ABTB2: variants seen among roughly 807,000 people sequenced by gnomAD.
ABTB2 encodes ankyrin repeat and BTB/POZ domain-containing protein 2.
A neutral mutation model predicts 104.1 loss-of-function variants in ABTB2; 56 were observed. That is an observed-to-expected ratio of 0.54 (90% confidence interval 0.43 to 0.67). The LOEUF (loss-of-function observed/expected upper bound fraction) is 0.67. ABTB2 is among the 30% of genes least tolerant of loss of function. ABTB2 has a pLI of 0.00. For missense variants in ABTB2, 1,279 were observed against 1,407.7 expected, an observed-to-expected ratio of 0.91 and a Z score of 1.46; for synonymous variants, 606 against 608.2, an observed-to-expected ratio of 1.00 and a Z score of 0.05.
chr11:34,167,190 G>A, intron 7 of ABTB2, 69 bp downstream of exon 7: 1 of 1,411,440 alleles, frequency 7.1e-7, no homozygotes, highest in South Asian at 1.2e-5. Context: ...AGCTGAGGCT[G>A]GGGCTGTGCT....
At chr11:34,241,364 T>G (rs1263779815) in intron 1 of ABTB2, among the ~76,000 whole-genome samples, 1 of 151,990 alleles carries the variant, frequency 6.6e-6, no homozygotes, top group Non-Finnish European at 1.5e-5. Flanking sequence ...GGAGGTGACA[T>G]TTAACCAGGG....
At chr11:34,211,902 CAAAAAAAA>C (rs1231324201) in intron 1 of ABTB2, among the ~76,000 whole-genome samples, 1 of 58,036 alleles carries the variant, frequency 1.7e-5, no homozygotes, top group African/African-American at 6.2e-5. Context: ...GACCCTGTCT[CAAAAAAAA>C]AAAAAAAAAA....
At chr11:34,229,685 C>T (rs1463683881) in intron 1 of ABTB2, among the ~76,000 whole-genome samples, 1 of 151,992 alleles carries the variant, frequency 6.6e-6, no homozygotes, top group Non-Finnish European at 1.5e-5. Flanking sequence ...ATTACTTTAG[C>T]ACTATAAGAA....
At chr11:34,200,170 A>G (rs1446095666) in intron 2 of ABTB2, among the ~76,000 whole-genome samples, 2 of 152,248 alleles carry the variant, frequency 1.3e-5, no homozygotes, top group East Asian at 1.9e-4. Context: ...TGGCAGAACC[A>G]CAGGACCACA....
At chr11:34,198,090 A>G (rs954672288) in intron 2 of ABTB2, among the ~76,000 whole-genome samples, 1 of 152,188 alleles carries the variant, frequency 6.6e-6, no homozygotes, top group Non-Finnish European at 1.5e-5. Flanking sequence ...TTTGATCCTT[A>G]CAGTGCTAGG....
At chr11:34,179,418 C>G (rs1157033678) in intron 3 of ABTB2, among the ~76,000 whole-genome samples, 1 of 152,212 alleles carries the variant, frequency 6.6e-6, no homozygotes, top group Admixed American at 6.5e-5. Flanking sequence ...AAGACCACAG[C>G]TGATGGCTAG....
chr11:34,344,689 G>C (rs1160051700), intron 1 of ABTB2, among the ~76,000 whole-genome samples: 1 of 152,126 alleles, frequency 6.6e-6, no homozygotes, highest in Non-Finnish European at 1.5e-5. Flanking sequence ...GTAGAAACGG[G>C]GTTTCACCGT....
At chr11:34,235,252 T>G (rs1463451912) in intron 1 of ABTB2, among the ~76,000 whole-genome samples, 2 of 152,190 alleles carry the variant, frequency 1.3e-5, no homozygotes, top group East Asian at 3.8e-4. Flanking sequence ...AGGGATTGCC[T>G]GAAAAATGTC....
At position 34,203,621 on chromosome 11, in the gene ABTB2, C is replaced by G. The variant is rs1320017230; in HGVS notation, c.1030+923G>C. 3.9e-5 allele frequency among the ~76,000 whole-genome samples: 6 copies of G among 152,216 alleles called. No individual in the cohort carries two copies. In the East Asian group the frequency reaches 9.6e-4, roughly 24 times the overall value. The stretch of plus-strand genomic sequence containing the variant: ...GAGTCAGAAATCCTGCTTTCTCTCC[C>G]AGCCCTATTGCAGCTCTGCTCTGTG... On this transcript the variant is annotated intron_variant, in intron 2 of 16. Transcript: ENST00000435224.
Position 34,161,034 on chromosome 11 carries a change from A to G in ABTB2, c.2266T>C (p.Phe756Leu), listed in dbSNP as rs1268760239. 1 of 1,613,130 alleles carries G rather than the reference A, an allele frequency of 6.2e-7. No homozygotes were observed. Among genetic ancestry groups the G allele is most frequent in the East Asian group, 2.2e-5 (1 of 44,832 alleles). ...ACCACCGAGTACCGCGACTGCGAGA[A>G]CGAGGTCCTCAGAGACTCGATCCAG... ...HIWIESLRTS[F>L]SQSRYSVVQS... The change falls in exon 11 of 17, where the codon TTC (phenylalanine) becomes CTC (leucine). Residue 756 changes from phenylalanine to leucine, a missense_variant. Coordinates refer to ENST00000435224, the MANE Select transcript of ABTB2 (RefSeq NM_145804.3).
chr11:34,151,454 C>T lies in ABTB2; in HGVS notation c.*933G>A, dbSNP rs544312532. The stretch of plus-strand genomic sequence containing the variant: ...CAAGAGTCACAGTCCCCAGTGGGAC[C>T]TGTTTGCCCAGCTCTCAATCCTACA... On this transcript the variant is annotated 3_prime_UTR_variant, in exon 17 of 17. Coordinates refer to ENST00000435224, the MANE Select transcript of ABTB2 (RefSeq NM_145804.3). 1 of 152,390 alleles carries T rather than the reference C, an allele frequency of 6.6e-6. No individual in the cohort carries two copies. Among genetic ancestry groups the T allele is most frequent in the East Asian group, 1.9e-4 (1 of 5,184 alleles). The allele number at this position is 152,390 out of a possible 1,614,324, so 9.4% of individuals were successfully genotyped here.
rs774459656 is a variant in ABTB2 at position 34,160,914 on chromosome 11, TGAG to T, written c.2383_2385del (p.Leu795del). On this transcript the variant is annotated inframe_deletion, in exon 11 of 17. Transcript: ENST00000435224. Reference sequence around the variant, plus strand: ...CTGGCCACACTTACTTTGCTGGTCTTGAGGATGTCGAACATGAGCTGCAAGCCC... The same window carrying T: ...CTGGCCACACTTACTTTGCTGGTCTTGATGTCGAACATGAGCTGCAAGCCC... 4 of 1,608,572 alleles carry T rather than the reference TGAG, an allele frequency of 2.5e-6. No individual in the cohort carries two copies. The highest frequency in any genetic ancestry group is 8.5e-7 in the Non-Finnish European group (1 of 1,177,020).
rs1852862847 is a variant in ABTB2 at position 34,170,839 on chromosome 11, A to G, written c.1563+67T>C. 6 of 1,570,894 alleles carry G rather than the reference A, an allele frequency of 3.8e-6. 1 individual carries two copies. The highest frequency in any genetic ancestry group is 1.8e-4 in the Middle Eastern group (1 of 5,682). On this transcript the variant is annotated intron_variant, in intron 5 of 16. Transcript: ENST00000435224. ...TCAGGGTTAGGACAGAGGGCCGCCA[A>G]TGCTGGGAGCTGAGAATTCCCAACT...
chr11:34,349,138 G>A (rs1855369721), intron 1 of ABTB2, among the ~76,000 whole-genome samples: 1 of 152,216 alleles, frequency 6.6e-6, no homozygotes, highest in African/African-American at 2.4e-5. Flanking sequence ...CACAAAGTGT[G>A]TTTACATGAC....
chr11:34,356,648 AG>A lies in ABTB2; in HGVS notation c.883+52del. ...AGGAAATTCACTCCCCCAGTAGCCC[AG>A]GGCGGGATTTCTTGCCTACCCAGTC... is the stretch of plus-strand genomic sequence containing the variant. On this transcript the variant is annotated intron_variant, in intron 1 of 16. Transcript: ENST00000435224. The surrounding 1 kb of genome is among the most constrained non-coding windows in gnomAD (Gnocchi z 4.6). The A allele has an allele frequency of 1.3e-6, 2 of 1,488,720 alleles. No homozygotes were observed. The highest frequency in any genetic ancestry group is 1.8e-6 in the Non-Finnish European group (2 of 1,111,854). 92.2% of individuals were successfully genotyped at this position (1,488,720 alleles called of 1,614,324 possible). A position where few individuals can be genotyped will look rare whatever the true frequency, so the allele number is the denominator to read the frequency against.
chr11:34,264,249 C>T (rs1430109518), intron 1 of ABTB2, among the ~76,000 whole-genome samples: 1 of 152,184 alleles, frequency 6.6e-6, no homozygotes. Flanking sequence ...GTTTCCCTAG[C>T]TCTCTCGGCC....
At chr11:34,215,906 G>A (rs1853544262) in intron 1 of ABTB2, among the ~76,000 whole-genome samples, 3 of 152,030 alleles carry the variant, frequency 2.0e-5, no homozygotes, top group East Asian at 1.9e-4. Context: ...AAGGCCACTC[G>A]ATTCTGTTAT....
chr11:34,223,478 A>G (rs16925312), intron 1 of ABTB2, among the ~76,000 whole-genome samples: 4,141 of 152,202 alleles, frequency 0.027, 122 homozygotes, highest in East Asian at 0.15. Context: ...CATCATTAGG[A>G]GCGTAGGCTG....
intron 1 of ABTB2, among the ~76,000 whole-genome samples, chr11:34,227,232 C>A (rs1214041139): frequency 1.3e-5 from 2 of 150,670 alleles, no homozygotes; most frequent in African/African-American, 2.5e-5. Context: ...CCAGATTGCA[C>A]CACTGCACTC....
Sources: allele counts gnomAD v4.1 joint callset (sites outside exome capture counted in the v4.1 genomes callset), GRCh38; gene constraint gnomAD v4.1.1; non-coding constraint Gnocchi (gnomAD v3.1); transcripts MANE v1.5; gene names NCBI Gene and HGNC (gene_info 2026-07-23, HGNC 2026-07-21).